RTN3: variants seen among roughly 807,000 people sequenced by gnomAD.
RTN3 encodes reticulon-3.
RTN3 carries 49 observed loss-of-function variants against 77.8 expected under a neutral mutation model. The ratio of observed to expected loss-of-function variants is 0.63; its 90% CI spans 0.50 to 0.80. The LOEUF (loss-of-function observed/expected upper bound fraction) is 0.80, where lower values mean the gene tolerates loss of function less well. Ranked by LOEUF, RTN3 falls within the 30% of genes least tolerant of loss-of-function variation. The pLI is 0.00. For missense variants in RTN3, 1,236 were observed against 1,211.9 expected (o/e 1.02, Z -0.29); for synonymous variants, 464 against 446.9 (o/e 1.04, Z -0.48).
In RTN3 at chr11:63,758,538, T is replaced by C. The variant is rs2014504630; in HGVS notation, c.*337T>C. On this transcript the variant is annotated 3_prime_UTR_variant, in exon 9 of 9. Coordinates refer to ENST00000377819, the MANE Select transcript of RTN3 (RefSeq NM_001265589.2). ...AAAATGAAAGAACACCTCTGGGTCC[T>C]TCTGTCCAGTTTTCAGCACTAGTCT... The C allele has an allele frequency of 1.8e-6, 1 of 543,918 alleles. No homozygotes were observed. The highest frequency in any genetic ancestry group is 3.2e-6 in the Non-Finnish European group (1 of 316,088). The allele number at this position is 543,918 out of a possible 1,614,324, so 33.7% of individuals were successfully genotyped here.
In RTN3 at chr11:63,732,656, A is replaced by G. The variant is rs7119853; in HGVS notation, c.2530+11624A>G. Reference sequence around the variant, plus strand: ...ACAAAATCCTTGAAAAATGCTACTTAATGCTAACACAATTTATATTAAAGA... The same window carrying G: ...ACAAAATCCTTGAAAAATGCTACTTGATGCTAACACAATTTATATTAAAGA... On this transcript the variant is annotated intron_variant, in intron 3 of 8. Coordinates refer to ENST00000377819, the MANE Select transcript of RTN3 (RefSeq NM_001265589.2). Among the ~76,000 whole-genome samples the G allele has an allele frequency of 6.2e-3, 940 of 152,332 alleles. 9 individuals are homozygous for G. Among genetic ancestry groups the G allele is most frequent in the African/African-American group, 0.021 (873 of 41,580 alleles).
At chr11:63,690,989 A>G (rs1344699902) in intron 1 of RTN3, among the ~76,000 whole-genome samples, 1 of 151,948 alleles carries the variant, frequency 6.6e-6, no homozygotes, top group East Asian at 1.9e-4. Flanking sequence ...TATTACCCCA[A>G]AGAGAAACCC....
At position 63,704,834 on chromosome 11, in the gene RTN3, T is replaced by C. The variant is rs1219431709; in HGVS notation, c.143-17T>C. 6.3e-7 allele frequency: 1 copy of C among 1,585,884 alleles called. No homozygotes were observed. The highest frequency in any genetic ancestry group is 1.7e-5 in the Admixed American group (1 of 59,926). The stretch of plus-strand genomic sequence containing the variant: ...GTGTGAGGTTGTCATATTCTCATGC[T>C]GTATATTTTCTTTCAGATTCCTTTG... On this transcript the variant is annotated splice_polypyrimidine_tract_variant and intron_variant, in intron 1 of 8. Coordinates refer to ENST00000377819, the MANE Select transcript of RTN3 (RefSeq NM_001265589.2).
intron 1 of RTN3, among the ~76,000 whole-genome samples, chr11:63,682,384 T>C (rs1196447714): frequency 6.6e-6 from 1 of 152,078 alleles, no homozygotes; most frequent in East Asian, 1.9e-4. Context: ...ATGCCGGATT[T>C]TTCTGAGGCT....
rs761755900 is a variant in RTN3 at position 63,758,352 on chromosome 11, C to T, written c.*151C>T. ...TTTGGTGTTTTCTCCCATCCTTTCCCTTTAACCCTCAGTATCAAGCACAAA... is the reference window on the plus strand; with the variant it reads ...TTTGGTGTTTTCTCCCATCCTTTCCTTTTAACCCTCAGTATCAAGCACAAA... On this transcript the variant is annotated 3_prime_UTR_variant, in exon 9 of 9. Transcript: ENST00000377819. The T allele has an allele frequency of 4.4e-6, 7 of 1,607,562 alleles. No individual in the cohort carries two copies. The highest frequency in any genetic ancestry group is 2.2e-5 in the South Asian group (2 of 89,766).
intron 7 of RTN3, among the ~76,000 whole-genome samples, 197 bp from the exon 8 acceptor site, chr11:63,755,915 C>A (rs480410): frequency 6.6e-6 from 1 of 151,434 alleles, no homozygotes. Flanking sequence ...GCCAAGATAG[C>A]GCCACTGCAC....
At position 63,752,507 on chromosome 11, in the gene RTN3, A is replaced by C; in HGVS notation, c.2739A>C (p.Lys913Asn). The C allele has an allele frequency of 6.2e-7, 1 of 1,612,494 alleles. No individual in the cohort carries two copies. The highest frequency in any genetic ancestry group is 8.5e-7 in the Non-Finnish European group (1 of 1,178,696). Reference protein sequence around the residue: ...VQKSEEGHPFKAYLDVDITLS... With the variant: ...VQKSEEGHPFNAYLDVDITLS... Reference sequence around the variant, plus strand: ...TGACTGTTATTTCTTCTTCTGGAAGAGCCTACCTGGACGTAGACATTACTC... The same window carrying C: ...TGACTGTTATTTCTTCTTCTGGAAGCGCCTACCTGGACGTAGACATTACTC... Residue 913 changes from lysine (K) to asparagine (N), a missense_variant and splice_region_variant, in exon 5 of 9, where the codon AAA (lysine) becomes AAC (asparagine). By Grantham distance (94) the Lys-to-Asn change is moderately conservative. This residue lies in a region of RTN3 where 141 missense variants were observed against 154.9 expected (regional missense o/e 0.91). Transcript: ENST00000377819.
intron 2 of RTN3, among the ~76,000 whole-genome samples, chr11:63,717,811 A>G (rs997985487): frequency 1.3e-5 from 2 of 151,592 alleles, no homozygotes; most frequent in African/African-American, 4.8e-5. Context: ...GTCAGGAGTT[A>G]AGAGACCAGC....
In RTN3 at chr11:63,719,665, C is replaced by A; in HGVS notation, c.1163C>A (p.Pro388His). Residue 388 changes from proline to histidine, a missense_variant, in exon 3 of 9, where the codon CCT becomes CAT. Around this residue, in one of 3 missense-constraint regions of RTN3, gnomAD observed 1,056 missense variants for 990.4 expected, o/e 1.07. Coordinates refer to ENST00000377819, the MANE Select transcript of RTN3 (RefSeq NM_001265589.2). Reference protein sequence around the residue: ...NLKTSTHQKTPVCSIDGSTPI... With the variant: ...NLKTSTHQKTHVCSIDGSTPI... ...AAAACTAGCACTCATCAGAAAACTC[C>A]TGTATGTTCTATTGATGGGAGCACT... 1.2e-6 allele frequency: 2 copies of A among 1,614,048 alleles called. No individual in the cohort carries two copies. The highest frequency in any genetic ancestry group is 1.7e-6 in the Non-Finnish European group (2 of 1,180,014).
At chr11:63,715,864 G>C (rs2011367312) in intron 2 of RTN3, among the ~76,000 whole-genome samples, 2 of 152,142 alleles carry the variant, frequency 1.3e-5, no homozygotes, top group South Asian at 4.1e-4. Flanking sequence ...GAATATTTCT[G>C]ATTTAAATGT....
At chr11:63,700,362 G>C (rs1282519422) in intron 1 of RTN3, among the ~76,000 whole-genome samples, 1 of 144,178 alleles carries the variant, frequency 6.9e-6, no homozygotes, top group Non-Finnish European at 1.5e-5. Flanking sequence ...TGCAGCCTCA[G>C]CTTCCTGGCC....
intron 4 of RTN3, among the ~76,000 whole-genome samples, chr11:63,751,030 C>A (rs1178856899): frequency 6.6e-6 from 1 of 152,084 alleles, no homozygotes; most frequent in Non-Finnish European, 1.5e-5. Context: ...CCGCTCCCGA[C>A]CATAATGTTT....
chr11:63,716,693 C>T (rs940720423), intron 2 of RTN3, among the ~76,000 whole-genome samples: 8 of 152,034 alleles, frequency 5.3e-5, no homozygotes, highest in East Asian at 1.9e-4. Flanking sequence ...AGGCCAGGCG[C>T]GGTGGCTCAT....
intron 4 of RTN3, 118 bp from the exon 5 acceptor site, chr11:63,752,389 A>G: frequency 2.2e-6 from 2 of 896,680 alleles, no homozygotes; most frequent in Non-Finnish European, 3.5e-6. Context: ...CAACAAAAAA[A>G]TGCTCCTACA....
chr11:63,736,525 A>G (rs926964462), intron 3 of RTN3, among the ~76,000 whole-genome samples: 6 of 151,896 alleles, frequency 4.0e-5, no homozygotes, highest in Non-Finnish European at 7.4e-5. Flanking sequence ...CATCTCTACT[A>G]AAAATACAAA....
At chr11:63,689,121 G>A (rs970983970) in intron 1 of RTN3, among the ~76,000 whole-genome samples, 4 of 152,120 alleles carry the variant, frequency 2.6e-5, no homozygotes, top group Non-Finnish European at 5.9e-5. Context: ...ATACAAACTT[G>A]TGAAAAATTC....
At chr11:63,722,914 T>G (rs1306039677) in intron 3 of RTN3, among the ~76,000 whole-genome samples, 1 of 152,180 alleles carries the variant, frequency 6.6e-6, no homozygotes, top group Non-Finnish European at 1.5e-5. Context: ...GGTAGTAACT[T>G]TTGGGCAATA....
intron 1 of RTN3, among the ~76,000 whole-genome samples, chr11:63,691,114 CTT>C (rs796809025): frequency 5.4e-5 from 5 of 91,894 alleles, no homozygotes; most frequent in African/African-American, 1.3e-4. Context: ...ATTGCTAATT[CTT>C]TTTTTTTTTT....
chr11:63,739,546 C>T (rs137941554), intron 3 of RTN3, among the ~76,000 whole-genome samples: 105 of 152,302 alleles, frequency 6.9e-4, no homozygotes, highest in African/African-American at 2.5e-3. Flanking sequence ...AAAGGACATT[C>T]CCTGTCTGTA....
Sources: gnomAD v4.1 joint callset for allele counts (sites outside exome capture counted in the v4.1 genomes callset) on GRCh38, gnomAD v4.1.1 for gene constraint, gnomAD v4.1.1 regional missense constraint, MANE v1.5 for transcripts, NCBI Gene and HGNC (gene_info 2026-07-23, HGNC 2026-07-21) for gene names.